The following ATP12A variants were observed in gnomAD, a reference collection of about 807,000 sequenced individuals.
ATP12A encodes potassium-transporting ATPase alpha chain 2.
Under a neutral mutation model 111.2 loss-of-function variants are expected in ATP12A, and 81 were observed. The ratio of observed to expected loss-of-function variants is 0.73; its 90% CI spans 0.61 to 0.88. ATP12A has a LOEUF of 0.88. Among genes scored for constraint, ATP12A ranks in the 40% least tolerant of loss-of-function variants. ATP12A has a pLI of 0.00. For missense variants in ATP12A, 1,196 were observed against 1,313.1 expected, an observed-to-expected ratio of 0.91 and a Z score of 1.38; for synonymous variants, 498 against 499.8, an observed-to-expected ratio of 1.00 and a Z score of 0.05.
At chr13:24,709,887 G>A in intron 19 of ATP12A, 59 bp downstream of exon 19, 1 of 1,598,902 alleles carries the variant, frequency 6.3e-7, no homozygotes, top group Non-Finnish European at 8.5e-7. Context: ...TCATTGCCCT[G>A]CGCAGAATTA....
At position 24,689,160 on chromosome 13, in the gene ATP12A, C is replaced by T. The variant is rs540824441; in HGVS notation, c.433-102C>T. ...CCATGGCCTGTAAATTATACCAGGG[C>T]GTAACTGCCAGCATTGCATCCTCCC... On this transcript the variant is annotated intron_variant, in intron 4 of 22. Transcript: ENST00000381946. 4.8e-5 allele frequency: 41 copies of T among 862,744 alleles called. No individual in the cohort carries two copies. In the Middle Eastern group the frequency reaches 1.8e-3, roughly 39 times the overall value. 53.4% of individuals were successfully genotyped at this position (862,744 alleles called of 1,614,324 possible). A position where few individuals can be genotyped will look rare whatever the true frequency, so the allele number is the denominator to read the frequency against.
At position 24,688,536 on chromosome 13, in the gene ATP12A, G is replaced by C. The variant is rs755253723; in HGVS notation, c.432+14G>C. ...TCCCTGAACAACGTAAGGCTCTGGGGTGTCCCCTCCTGGTTTTGCTGGCAG... is the reference window on the plus strand; with the variant it reads ...TCCCTGAACAACGTAAGGCTCTGGGCTGTCCCCTCCTGGTTTTGCTGGCAG... On this transcript the variant is annotated intron_variant, in intron 4 of 22. Transcript: ENST00000381946. The C allele has an allele frequency of 2.6e-6, 4 of 1,519,108 alleles. No individual in the cohort carries two copies. The highest frequency in any genetic ancestry group is 2.7e-5 in the South Asian group (2 of 73,186). The allele number at this position is 1,519,108 out of a possible 1,614,324, so 94.1% of individuals were successfully genotyped here.
In ATP12A at chr13:24,709,383, C is replaced by T. The variant is rs143249461; in HGVS notation, c.2513C>T (p.Ala838Val). 369 of 1,602,054 alleles carry T rather than the reference C, an allele frequency of 2.3e-4. No individual in the cohort carries two copies. The African/African-American group carries it at 3.0e-3, about 13-fold the overall frequency. Residue 838 changes from alanine (A) to valine (V), a missense_variant, in exon 18 of 23, where the codon GCG becomes GTG. Physicochemically the swap from Ala to Val is moderately conservative, Grantham distance 64. Coordinates refer to ENST00000381946, the MANE Select transcript of ATP12A (RefSeq NM_001676.7). ...CTCTAGATCCCCTCCATTGCCTTGG[C>T]GTACGAGAAAGCTGAAAGTGACATC... ...GTDIIPSIAL[A>V]YEKAESDIMN... is the part of the protein sequence containing the mutation.
chr13:24,696,791 G>A (rs1315305867), intron 11 of ATP12A, among the ~76,000 whole-genome samples: 1 of 151,468 alleles, frequency 6.6e-6, no homozygotes, highest in East Asian at 1.9e-4. Flanking sequence ...AGAGGTCGGA[G>A]GTGCTGTCTG....
chr13:24,709,566 G>C (rs920025460), intron 18 of ATP12A, 79 bp downstream of exon 18: 18 of 1,596,164 alleles, frequency 1.1e-5, no homozygotes, highest in Non-Finnish European at 1.5e-5. Context: ...CAGCCAGAAA[G>C]TGTGGTTTTC....
intron 2 of ATP12A, among the ~76,000 whole-genome samples, chr13:24,682,110 G>GGTGTGTGTA (rs1874482428): frequency 8.0e-6 from 1 of 125,660 alleles, no homozygotes; most frequent in African/African-American, 3.1e-5. Flanking sequence ...TGTGTGTGAT[G>GGTGTGTGTA]TGTGTGTGGT....
At chr13:24,690,855 G>A (rs143195830) in intron 7 of ATP12A, 127 bp from the exon 8 acceptor site, 1 of 1,466,220 alleles carries the variant, frequency 6.8e-7, no homozygotes, top group East Asian at 2.3e-5. Flanking sequence ...GGGCCTAGAG[G>A]ACGATGCTTG....
rs111939647 is a variant in ATP12A at position 24,698,777 on chromosome 13, A to G, written c.1632A>G (p.Pro544=). 5 of 1,614,088 alleles carry G rather than the reference A, an allele frequency of 3.1e-6. No individual in the cohort carries two copies. The African/African-American group carries it at 4.0e-5, about 13-fold the overall frequency. ...TCATGATCAACGGCGAGGAGCACCC[A>G]CTGGACAAGAGCACTGCCAAGACCT... ...STIMINGEEH[P]LDKSTAKTFH... The change falls in exon 12 of 23, where the codon CCA becomes CCG. Residue 544 remains proline, a synonymous_variant. Coordinates refer to ENST00000381946, the MANE Select transcript of ATP12A (RefSeq NM_001676.7).
In ATP12A at chr13:24,691,199, C is replaced by T. The variant is rs1230155697; in HGVS notation, c.1017C>T (p.Leu339=). 5.6e-6 allele frequency: 9 copies of T among 1,614,124 alleles called. No homozygotes were observed. Among genetic ancestry groups the T allele is most frequent in the Non-Finnish European group, 3.4e-6 (4 of 1,180,000 alleles). The change falls in exon 8 of 23, where the codon CTC becomes CTT. Residue 339 remains leucine (L), a synonymous_variant. Coordinates refer to ENST00000381946, the MANE Select transcript of ATP12A (RefSeq NM_001676.7). ...KYQVLDSIIF[L]IGIIVANVPE... ...AAGTCCTGGACTCCATCATCTTCCTCATTGGCATCATTGTGGCCAATGTGC... is the reference window on the plus strand; with the variant it reads ...AAGTCCTGGACTCCATCATCTTCCTTATTGGCATCATTGTGGCCAATGTGC...
chr13:24,694,575 T>G lies in ATP12A; in HGVS notation c.1509T>G (p.Phe503Leu). 2 of 1,612,588 alleles carry G rather than the reference T, an allele frequency of 1.2e-6. No homozygotes were observed. The highest frequency in any genetic ancestry group is 1.7e-6 in the Non-Finnish European group (2 of 1,179,982). Residue 503 changes from phenylalanine (F) to leucine (L), a missense_variant, in exon 11 of 23, where the codon TTT becomes TTG. Around this residue, in one of 3 missense-constraint regions of ATP12A, gnomAD observed 1,126 missense variants for 1,228.5 expected, o/e 0.92. Transcript: ENST00000381946. Reference protein sequence around the residue: ...AEIPFNSTNKFQLSIHEMDDP... With the variant: ...AEIPFNSTNKLQLSIHEMDDP... ...TCCCTTTTAACTCTACTAATAAATT[T>G]CAGGTGAGTTTTTCCTCACAACCGG... is the stretch of plus-strand genomic sequence containing the variant.
intron 18 of ATP12A, 74 bp downstream of exon 18, chr13:24,709,561 A>G (rs1278122133): frequency 6.3e-7 from 1 of 1,596,512 alleles, no homozygotes; most frequent in Non-Finnish European, 8.6e-7. Flanking sequence ...GGGCACAGCC[A>G]GAAAGTGTGG....
intron 11 of ATP12A, 82 bp from the exon 12 acceptor site, chr13:24,698,576 C>T (rs1240562535): frequency 2.1e-6 from 3 of 1,437,102 alleles, no homozygotes; most frequent in Non-Finnish European, 2.8e-6. Context: ...CCTCTTCCTC[C>T]TTTACATTTA....
chr13:24,692,539 T>C lies in ATP12A; in HGVS notation c.1179T>C (p.Thr393=). Residue 393 remains threonine (T), a synonymous_variant, in exon 9 of 23, where the codon ACT becomes ACC. Transcript: ENST00000381946. The part of the protein sequence containing the change: ...GSTSIICSDK[T]GTLTQNRMTV... ...CCTCCATCATCTGCTCGGACAAGAC[T>C]GGGACACTGACCCAGAACAGGATGA... 6.2e-7 allele frequency: 1 copy of C among 1,612,926 alleles called. No individual in the cohort carries two copies.
Position 24,709,685 on chromosome 13 carries a change from C to G in ATP12A, c.2620C>G (p.Leu874Val), listed in dbSNP as rs1321860194. 1 of 1,614,136 alleles carries G rather than the reference C, an allele frequency of 6.2e-7. No individual in the cohort carries two copies. Among genetic ancestry groups the G allele is most frequent in the East Asian group, 2.2e-5 (1 of 44,868 alleles). ...TCCTATCTCTCTTGTTCTTTCAGGC[C>G]TCATGCAAGCCCTGGGAGCTTTCCT... is the stretch of plus-strand genomic sequence containing the variant. Reference protein sequence around the residue: ...LAVYSYLHIGLMQALGAFLVY... With the variant: ...LAVYSYLHIGVMQALGAFLVY... Residue 874 changes from leucine (L) to valine (V), a missense_variant and splice_region_variant, in exon 19 of 23, where the codon CTC becomes GTC. This residue lies in a region of ATP12A where 1,126 missense variants were observed against 1,228.5 expected (regional missense o/e 0.92). Coordinates refer to ENST00000381946, the MANE Select transcript of ATP12A (RefSeq NM_001676.7).
chr13:24,687,208 CAT>C (rs1485644766), intron 3 of ATP12A, among the ~76,000 whole-genome samples: 2 of 152,160 alleles, frequency 1.3e-5, no homozygotes, highest in Admixed American at 1.3e-4. Flanking sequence ...GGTCTGTAAT[CAT>C]AGCACTTTGG....
In ATP12A at chr13:24,682,401, A is replaced by ACGTGTGTGTGTGTGTGTGTG. The variant is rs1555253823; in HGVS notation, c.168+681_168+682insCGTGTGTGTGTGTGTGTGTG. 3.0e-4 allele frequency among the ~76,000 whole-genome samples: 39 copies of ACGTGTGTGTGTGTGTGTGTG among 131,244 alleles called. 1 individual carries two copies. The highest frequency in any genetic ancestry group is 9.0e-4 in the African/African-American group (31 of 34,298). The allele number at this position is 131,244 out of a possible 152,430, so 86.1% of individuals were successfully genotyped here. ...TGTGTGTGTGGTGTGTGGTGTGTGT[A>ACGTGTGTGTGTGTGTGTGTG]TGTGTGTGTGTGTGTTTTGAATGGT... On this transcript the variant is annotated intron_variant, in intron 2 of 22. Coordinates refer to ENST00000381946, the MANE Select transcript of ATP12A (RefSeq NM_001676.7).
chr13:24,709,359 T>G lies in ATP12A; in HGVS notation c.2494-5T>G, dbSNP rs764558383. On this transcript the variant is annotated splice_region_variant and splice_polypyrimidine_tract_variant and intron_variant, in intron 17 of 22. Coordinates refer to ENST00000381946, the MANE Select transcript of ATP12A (RefSeq NM_001676.7). Reference sequence around the variant, plus strand: ...GTTAGACCTCACCAGCCTCTTCCCCTCTAGATCCCCTCCATTGCCTTGGCG... The same window carrying G: ...GTTAGACCTCACCAGCCTCTTCCCCGCTAGATCCCCTCCATTGCCTTGGCG... 66 of 1,389,028 alleles carry G rather than the reference T, an allele frequency of 4.8e-5. 1 individual carries two copies. The South Asian group carries it at 6.9e-4, about 15-fold the overall frequency. The allele number at this position is 1,389,028 out of a possible 1,614,324, so 86.0% of individuals were successfully genotyped here. A position where few individuals can be genotyped will look rare whatever the true frequency, so the allele number is the denominator to read the frequency against.
chr13:24,700,178 C>T (rs1167651925), intron 12 of ATP12A, among the ~76,000 whole-genome samples: 2 of 152,196 alleles, frequency 1.3e-5, no homozygotes, highest in East Asian at 1.9e-4. Flanking sequence ...AAGGATGGCT[C>T]GGCCCCATTC....
intron 11 of ATP12A, among the ~76,000 whole-genome samples, chr13:24,695,259 C>G (rs956372706): frequency 1.3e-5 from 2 of 152,244 alleles, no homozygotes; most frequent in African/African-American, 2.4e-5. Context: ...CCTGGGGTGA[C>G]AGCCCCGTCG....
Sources: gnomAD v4.1 joint callset for allele counts (sites outside exome capture counted in the v4.1 genomes callset) on GRCh38, gnomAD v4.1.1 for gene constraint, gnomAD v4.1.1 regional missense constraint, MANE v1.5 for transcripts, NCBI Gene and HGNC (gene_info 2026-07-23, HGNC 2026-07-21) for gene names.